The following LOC400499 variants were observed in gnomAD, a reference collection of about 807,000 sequenced individuals.
At chr16:11,460,547 G>A in the LOC400499 span, 5 of 1,535,564 alleles carry the variant, frequency 3.3e-6, no homozygotes, top group Middle Eastern at 1.7e-4. Flanking sequence ...GGCACCGTCT[G>A]AGCCACTGTC....
the LOC400499 span, chr16:11,372,820 C>G: frequency 5.7e-6 from 3 of 528,914 alleles, no homozygotes; most frequent in East Asian, 4.3e-4. Context: ...ATAAATTATG[C>G]TAGGGCCCCT....
At chr16:11,515,869 C>CCCCCCCCCCCCCCCCCCCCCCCCCCCCA in the LOC400499 span, 3 of 42,054 alleles carry the variant, frequency 7.1e-5, no homozygotes, top group Non-Finnish European at 1.9e-4. Flanking sequence ...CAGCCCAGCC[C>CCCCCCCCCCCCCCCCCCCCCCCCCCCCA]AGCCCAGCCC....
chr16:11,384,019 G>A, the LOC400499 span: 2 of 1,231,682 alleles, frequency 1.6e-6, no homozygotes, highest in Admixed American at 4.2e-5. Context: ...CTGGCAGGAT[G>A]GATGCAAGAC....
the LOC400499 span, among the ~76,000 whole-genome samples, chr16:11,454,771 T>C: frequency 6.6e-6 from 1 of 152,246 alleles, no homozygotes; most frequent in Non-Finnish European, 1.5e-5. Context: ...ATGTATGCTT[T>C]CTTTGGAAGC....
At chr16:11,453,744 G>A in the LOC400499 span, among the ~76,000 whole-genome samples, 9 of 151,928 alleles carry the variant, frequency 5.9e-5, no homozygotes, top group South Asian at 1.0e-3. Context: ...GAGGCAGGAC[G>A]ATCACTTGAG....
chr16:11,398,278 AC>A, the LOC400499 span: 1 of 1,207,402 alleles, frequency 8.3e-7, no homozygotes, highest in Non-Finnish European at 1.0e-6. Flanking sequence ...TGCGGGCACC[AC>A]CCTCACTGCT....
At chr16:11,526,964 C>T in the LOC400499 span, among the ~76,000 whole-genome samples, 1 of 152,192 alleles carries the variant, frequency 6.6e-6, no homozygotes, top group Non-Finnish European at 1.5e-5. Context: ...TCTCGCTCCT[C>T]TTCCCCATGA....
At chr16:11,500,230 G>A in the LOC400499 span, among the ~76,000 whole-genome samples, 25 of 152,196 alleles carry the variant, frequency 1.6e-4, no homozygotes, top group African/African-American at 5.8e-4. Flanking sequence ...GAAAACAGTC[G>A]GGCGTGGTGG....
At chr16:11,450,942 C>T in the LOC400499 span, 3 of 888,630 alleles carry the variant, frequency 3.4e-6, no homozygotes, top group African/African-American at 5.0e-5. Flanking sequence ...CTGGGAATAA[C>T]TAGGCATGAG....
the LOC400499 span, chr16:11,372,075 A>T: frequency 6.6e-6 from 1 of 152,234 alleles, no homozygotes; most frequent in Non-Finnish European, 1.5e-5. Context: ...ACATTCCCAA[A>T]AGAAAGTAAA....
chr16:11,446,972 A>G, the LOC400499 span: 22 of 1,487,648 alleles, frequency 1.5e-5, no homozygotes, highest in South Asian at 2.6e-4. Flanking sequence ...CCAGGGGACA[A>G]TTGTGCCCCA....
At chr16:11,416,685 G>T in the LOC400499 span, among the ~76,000 whole-genome samples, 9 of 152,166 alleles carry the variant, frequency 5.9e-5, no homozygotes, top group Non-Finnish European at 5.9e-5. Flanking sequence ...GAGGAAACGG[G>T]GAGGTGGAAA....
the LOC400499 span, among the ~76,000 whole-genome samples, chr16:11,418,465 C>T: frequency 6.6e-6 from 1 of 152,222 alleles, no homozygotes; most frequent in Non-Finnish European, 1.5e-5. Context: ...GTCCTCACTG[C>T]TACACTCCCA....
chr16:11,474,703 C>CAA, the LOC400499 span, among the ~76,000 whole-genome samples: 1,811 of 138,628 alleles, frequency 0.013, 72 homozygotes, highest in East Asian at 0.17. Context: ...CTACAAAATA[C>CAA]AAAAAAAAAA....
the LOC400499 span, among the ~76,000 whole-genome samples, chr16:11,421,061 C>T: frequency 6.6e-6 from 1 of 152,312 alleles, no homozygotes; most frequent in South Asian, 2.1e-4. Context: ...CCCAGGCCTG[C>T]CTGCTAGGCC....
chr16:11,404,802 A>AG, the LOC400499 span: 2 of 398,928 alleles, frequency 5.0e-6, no homozygotes, highest in Non-Finnish European at 8.8e-6. Flanking sequence ...CTGGCGCAGG[A>AG]CACGGGTCCC....
At chr16:11,495,438 T>C in the LOC400499 span, among the ~76,000 whole-genome samples, 2 of 151,472 alleles carry the variant, frequency 1.3e-5, no homozygotes, top group Admixed American at 1.3e-4. Context: ...TGGAGTGCAG[T>C]GGCCCTATCT....
At chr16:11,400,723 G>A in the LOC400499 span, among the ~76,000 whole-genome samples, 1 of 152,140 alleles carries the variant, frequency 6.6e-6, no homozygotes, top group African/African-American at 2.4e-5. Flanking sequence ...TTACAGGCAT[G>A]AGCCACCACG....
chr16:11,467,113 C>G, the LOC400499 span: 2 of 157,038 alleles, frequency 1.3e-5, no homozygotes, highest in African/African-American at 4.8e-5. Context: ...CCACTACACC[C>G]AGCTAATTTT....
Sources: gnomAD v4.1 joint callset for allele counts (sites outside exome capture counted in the v4.1 genomes callset) on GRCh38, gnomAD v4.1.1 for gene constraint, MANE v1.5 for transcripts.